Variants in CLDN16 observed in about 807,000 individuals in gnomAD.
The protein encoded by CLDN16 is claudin-16.
A neutral mutation model predicts 24.6 loss-of-function variants in CLDN16; 13 were observed. The ratio of observed to expected loss-of-function variants is 0.53; its 90% confidence interval spans 0.34 to 0.84. The LOEUF (loss-of-function observed/expected upper bound fraction) is 0.84. Ranked by LOEUF, CLDN16 falls within the 40% of genes least tolerant of loss-of-function variation. The pLI is 0.01. For missense variants in CLDN16, 298 were observed against 292.7 expected (o/e 1.02, Z -0.13); for synonymous variants, 116 against 106.7 (o/e 1.09, Z -0.54).
chr3:190,297,504 C>CCA, the CLDN16 span, among the ~76,000 whole-genome samples: 1 of 137,790 alleles, frequency 7.3e-6, no homozygotes, highest in Non-Finnish European at 1.5e-5. Context: ...ATATTTATAT[C>CCA]TATATATAGA....
rs959856826 is a variant in CLDN16 at position 190,411,989 on chromosome 3, A to G, written c.*1953A>G. The stretch of plus-strand genomic sequence containing the variant: ...AAATCCTTGTGGGGAAAGGCAGGAC[A>G]AAAATAATTAGTTAATTAGATTTGA... On this transcript the variant is annotated 3_prime_UTR_variant, in exon 5 of 5. Coordinates refer to ENST00000264734, the MANE Select transcript of CLDN16 (RefSeq NM_006580.4). 2.2e-4 allele frequency: 33 copies of G among 152,148 alleles called. No homozygotes were observed. The highest frequency in any genetic ancestry group is 7.0e-4 in the African/African-American group (29 of 41,446). The allele number at this position is 152,148 out of a possible 1,614,324, so 9.4% of individuals were successfully genotyped here.
chr3:190,409,412 T>C (rs1450209884), intron 4 of CLDN16, among the ~76,000 whole-genome samples: 1 of 151,896 alleles, frequency 6.6e-6, no homozygotes, highest in East Asian at 1.9e-4. Flanking sequence ...GATATACATA[T>C]AATTGTAATA....
the CLDN16 span, among the ~76,000 whole-genome samples, chr3:190,293,104 T>A: frequency 6.6e-6 from 1 of 152,180 alleles, no homozygotes; most frequent in African/African-American, 2.4e-5. Flanking sequence ...GACTCACAGT[T>A]CCACATGGCT....
At chr3:190,382,754 G>A (rs938969188) in intron 3 of CLDN16, among the ~76,000 whole-genome samples, 2 of 152,084 alleles carry the variant, frequency 1.3e-5, no homozygotes, top group African/African-American at 2.4e-5. Flanking sequence ...CCACTGTCAC[G>A]TTTGCTCTGT....
chr3:190,318,190 T>C (rs772233787), upstream of CLDN16, among the ~76,000 whole-genome samples: 3 of 152,302 alleles, frequency 2.0e-5, no homozygotes, highest in Non-Finnish European at 2.9e-5. Context: ...GTGAAAATGA[T>C]CCTGGATGAG....
intron 1 of CLDN16, among the ~76,000 whole-genome samples, chr3:190,392,642 A>G (rs1490517294): frequency 6.6e-6 from 1 of 152,202 alleles, no homozygotes; most frequent in Non-Finnish European, 1.5e-5. Flanking sequence ...ACCCAAAAGA[A>G]GAGATATCTA....
intron 1 of CLDN16, among the ~76,000 whole-genome samples, chr3:190,345,582 T>C (rs1717533982): frequency 2.0e-5 from 3 of 152,190 alleles, no homozygotes; most frequent in African/African-American, 4.8e-5. Context: ...TAGCTCCGTC[T>C]CTCTTTATCA....
the CLDN16 span, among the ~76,000 whole-genome samples, chr3:190,305,162 C>G: frequency 6.6e-6 from 1 of 152,126 alleles, no homozygotes; most frequent in East Asian, 1.9e-4. Flanking sequence ...TCTGAGACTC[C>G]ACATTAGAGC....
At chr3:190,337,563 C>G (rs1306333271) in intron 1 of CLDN16, among the ~76,000 whole-genome samples, 2 of 152,192 alleles carry the variant, frequency 1.3e-5, no homozygotes, top group Non-Finnish European at 2.9e-5. Flanking sequence ...ATACCCGATG[C>G]CATATCCAAC....
chr3:190,305,065 A>C, the CLDN16 span, among the ~76,000 whole-genome samples: 3 of 152,342 alleles, frequency 2.0e-5, no homozygotes, highest in South Asian at 6.2e-4. Context: ...AAACAGAGTG[A>C]GAATTCTGAT....
At chr3:190,304,919 C>T in the CLDN16 span, among the ~76,000 whole-genome samples, 2 of 152,196 alleles carry the variant, frequency 1.3e-5, no homozygotes, top group African/African-American at 4.8e-5. Flanking sequence ...GATGAGCTCA[C>T]ACAGAGGTGA....
intron 3 of CLDN16, among the ~76,000 whole-genome samples, chr3:190,376,156 T>C (rs763146513): frequency 5.3e-5 from 8 of 151,868 alleles, no homozygotes; most frequent in Non-Finnish European, 7.4e-5. Context: ...GCTGAAACTA[T>C]CAATTACAGA....
At chr3:190,327,492 G>A (rs1717089782) in intron 1 of CLDN16, among the ~76,000 whole-genome samples, 1 of 152,132 alleles carries the variant, frequency 6.6e-6, no homozygotes, top group Admixed American at 6.5e-5. Flanking sequence ...GCTCAAAAAA[G>A]CCACTGAATT....
chr3:190,408,171 C>T (rs1488157394), intron 3 of CLDN16, 143 bp from the exon 4 acceptor site: 12 of 803,898 alleles, frequency 1.5e-5, no homozygotes, highest in East Asian at 4.9e-5. Context: ...AAGAAGTGTC[C>T]GAAGTTCGGG....
chr3:190,323,305 T>C (rs1716984788), intron 1 of CLDN16, among the ~76,000 whole-genome samples: 2 of 152,326 alleles, frequency 1.3e-5, no homozygotes, highest in Non-Finnish European at 2.9e-5. Context: ...TTATCAAATG[T>C]TGTTCGTCGC....
At chr3:190,296,548 A>ATTT in the CLDN16 span, among the ~76,000 whole-genome samples, 1,244 of 133,688 alleles carry the variant, frequency 9.3e-3, 36 homozygotes, top group African/African-American at 0.031. Context: ...GTCAGATTTA[A>ATTT]TTTTTTTTTT....
At chr3:190,309,752 C>T in the CLDN16 span, among the ~76,000 whole-genome samples, 1 of 152,170 alleles carries the variant, frequency 6.6e-6, no homozygotes, top group African/African-American at 2.4e-5. Flanking sequence ...AAGTATTATT[C>T]ATTAACCCCT....
intron 1 of CLDN16, among the ~76,000 whole-genome samples, chr3:190,341,894 A>G (rs1352289448): frequency 6.6e-6 from 1 of 152,214 alleles, no homozygotes; most frequent in East Asian, 1.9e-4. Flanking sequence ...ACAAATCTCT[A>G]GGGCAGGGAC....
Position 190,377,393 on chromosome 3 carries a change from A to C in CLDN16, n.306+2790A>C, listed in dbSNP as rs1718268832. ...AAACATTTTACTAAAAATGGAGGTC[A>C]CATGGTCATCATCCTTCTATCATAA... On this transcript the variant is annotated intron_variant and non_coding_transcript_variant, in intron 3 of 4. Transcript: ENST00000468220. 2.0e-5 allele frequency among the ~76,000 whole-genome samples: 3 copies of C among 151,938 alleles called. No individual in the cohort carries two copies. The South Asian group carries it at 6.2e-4, about 32-fold the overall frequency.
Sources: gnomAD v4.1 joint callset for allele counts (sites outside exome capture counted in the v4.1 genomes callset) on GRCh38, gnomAD v4.1.1 for gene constraint, MANE v1.5 for transcripts, NCBI Gene and HGNC (gene_info 2026-07-23, HGNC 2026-07-21) for gene names.